PIKFYVE: variants seen among roughly 807,000 people sequenced by gnomAD.
PIKFYVE encodes the protein 1-phosphatidylinositol 3-phosphate 5-kinase.
Under a neutral mutation model 257.9 loss-of-function variants are expected in PIKFYVE, and 122 were observed. That is an observed-to-expected ratio of 0.47 (90% CI 0.41 to 0.55). The LOEUF (loss-of-function observed/expected upper bound fraction) is 0.55. Ranked by LOEUF, PIKFYVE falls within the 20% of genes least tolerant of loss-of-function variation. The pLI is 0.00. For missense variants in PIKFYVE, 2,160 were observed against 2,536.6 expected (o/e 0.85, Z 3.19); for synonymous variants, 892 against 868.9 (o/e 1.03, Z -0.47).
At chr2:208,326,725 C>G (rs1696966695) in intron 20 of PIKFYVE, among the ~76,000 whole-genome samples, 1 of 152,104 alleles carries the variant, frequency 6.6e-6, no homozygotes, top group African/African-American at 2.4e-5. Context: ...GACAACATGA[C>G]TTGGATGTGG....
In PIKFYVE at chr2:208,325,345, C is replaced by G. The variant is rs772669893; in HGVS notation, c.2534C>G (p.Ser845Cys). 1.9e-6 allele frequency: 3 copies of G among 1,614,068 alleles called. No homozygotes were observed. The highest frequency in any genetic ancestry group is 3.3e-5 in the Admixed American group (2 of 60,006). ...TGTACAATCAAGCTAAGAGGAGGCT[C>G]TGATTATGAGCTGGCTCGAGTTAAG... ...LGCTIKLRGG[S>C]DYELARVKEI... is the part of the protein sequence containing the mutation. Residue 845 changes from serine to cysteine, a missense_variant, in exon 20 of 42, where the codon TCT (serine) becomes TGT (cysteine). Coordinates refer to ENST00000264380, the MANE Select transcript of PIKFYVE (RefSeq NM_015040.4).
At chr2:208,302,474 T>C in intron 10 of PIKFYVE, 121 bp downstream of exon 10, 1 of 1,018,618 alleles carries the variant, frequency 9.8e-7, no homozygotes, top group Non-Finnish European at 1.5e-6. Context: ...TTTCCTGCTG[T>C]TTGAGGAAAG....
intron 7 of PIKFYVE, among the ~76,000 whole-genome samples, chr2:208,289,791 C>T (rs948011088): frequency 3.3e-5 from 5 of 152,048 alleles, no homozygotes; most frequent in African/African-American, 1.2e-4. Flanking sequence ...TGGTCTTGAA[C>T]TTCTGACCTC....
chr2:208,290,674 T>C (rs915772848), intron 7 of PIKFYVE, among the ~76,000 whole-genome samples: 1 of 152,162 alleles, frequency 6.6e-6, no homozygotes, highest in African/African-American at 2.4e-5. Context: ...TTATGTTTAA[T>C]TTTGTGAGGC....
At chr2:208,309,923 A>AT (rs1218094746) in intron 12 of PIKFYVE, among the ~76,000 whole-genome samples, 7 of 152,230 alleles carry the variant, frequency 4.6e-5, no homozygotes, top group African/African-American at 7.2e-5. Flanking sequence ...CAGTGAGAAT[A>AT]TTACAGAGGA....
intron 8 of PIKFYVE, 142 bp downstream of exon 8, chr2:208,298,921 C>A (rs1693332974): frequency 2.9e-6 from 3 of 1,039,070 alleles, no homozygotes; most frequent in Non-Finnish European, 2.9e-6. Flanking sequence ...TGGCTCCCTG[C>A]AACCTCTGCC....
At chr2:208,272,908 T>G (rs957046213) in intron 2 of PIKFYVE, among the ~76,000 whole-genome samples, 1 of 152,236 alleles carries the variant, frequency 6.6e-6, no homozygotes, top group Non-Finnish European at 1.5e-5. Context: ...TACATTAGTC[T>G]GGTACATTTG....
In PIKFYVE at chr2:208,320,305, G is replaced by A. The variant is rs750820945; in HGVS notation, c.2136G>A (p.Glu712=). ...PKILLLKCSI[E]YLYREETKFT... is the part of the protein sequence containing the mutation. ...TTCTTCTGTTGAAGTGTTCCATTGAGTATCTCTACAGAGAAGAAACTAAGT... is the reference window on the plus strand; with the variant it reads ...TTCTTCTGTTGAAGTGTTCCATTGAATATCTCTACAGAGAAGAAACTAAGT... Residue 712 remains glutamate, a synonymous_variant, in exon 17 of 42, where the codon GAG becomes GAA. Coordinates refer to ENST00000264380, the MANE Select transcript of PIKFYVE (RefSeq NM_015040.4). 2 of 1,612,214 alleles carry A rather than the reference G, an allele frequency of 1.2e-6. No individual in the cohort carries two copies. Among genetic ancestry groups the A allele is most frequent in the Non-Finnish European group, 1.7e-6 (2 of 1,178,784 alleles).
At chr2:208,282,115 G>T (rs1257090814) in intron 5 of PIKFYVE, among the ~76,000 whole-genome samples, 1 of 152,114 alleles carries the variant, frequency 6.6e-6, no homozygotes, top group Non-Finnish European at 1.5e-5. Flanking sequence ...TAAATACTTG[G>T]TCACTCAGAA....
At chr2:208,328,457 T>C (rs1174233631) in intron 21 of PIKFYVE, among the ~76,000 whole-genome samples, 177 bp downstream of exon 21, 1 of 152,234 alleles carries the variant, frequency 6.6e-6, no homozygotes, top group East Asian at 1.9e-4. Context: ...AATACATGTT[T>C]GTTCATGAGT....
chr2:208,324,289 G>A lies in PIKFYVE; in HGVS notation c.2331+7G>A, dbSNP rs1385166441. 1 of 1,613,032 alleles carries A rather than the reference G, an allele frequency of 6.2e-7. No homozygotes were observed. Reference sequence around the variant, plus strand: ...GGTCATTAATGTAAAGTCAGTGAGTGTTTTTAATTTTCTATTGTATTTTAA... The same window carrying A: ...GGTCATTAATGTAAAGTCAGTGAGTATTTTTAATTTTCTATTGTATTTTAA... On this transcript the variant is annotated splice_region_variant and intron_variant, in intron 18 of 41. Coordinates refer to ENST00000264380, the MANE Select transcript of PIKFYVE (RefSeq NM_015040.4).
chr2:208,338,533 G>A lies in PIKFYVE; in HGVS notation c.4637G>A (p.Arg1546Gln), dbSNP rs1039585911. ...ATAAGTGCGATGGATGCATCTCCAC[G>A]GAATATTTCTCCAGGACTTCAGAAT... ...SKISAMDASP[R>Q]NISPGLQNGE... The change falls in exon 29 of 42, where the codon CGG becomes CAG. Residue 1546 changes from arginine to glutamine, a missense_variant. Transcript: ENST00000264380. The A allele has an allele frequency of 1.9e-6, 3 of 1,613,298 alleles. No individual in the cohort carries two copies. Among genetic ancestry groups the A allele is most frequent in the East Asian group, 4.5e-5 (2 of 44,800 alleles).
chr2:208,347,992 G>A lies in PIKFYVE; in HGVS notation c.5343G>A (p.Glu1781=), dbSNP rs140774753. The change falls in exon 35 of 42, where the codon GAG becomes GAA. Residue 1781 remains glutamate, a synonymous_variant. Transcript: ENST00000264380. ...ACCAGGTTGGGCAGACGGGCAAGGA[G>A]GGGACCGAGAATCAAGGCGTTGAGC... ...AYYQVGQTGK[E]GTENQGVEPQ... 2.3e-4 allele frequency: 373 copies of A among 1,614,094 alleles called. 1 individual carries two copies. In the African/African-American group the frequency reaches 4.4e-3, roughly 19 times the overall value.
In PIKFYVE at chr2:208,322,871, G is replaced by A. The variant is rs1359098529; in HGVS notation, c.2191-1271G>A. ...CTCCCCCACCCCATGACAGGCCCCC[G>A]TGTATGATGTTCCCCTTCCTGTGTC... is the stretch of plus-strand genomic sequence containing the variant. On this transcript the variant is annotated intron_variant, in intron 17 of 41. Coordinates refer to ENST00000264380, the MANE Select transcript of PIKFYVE (RefSeq NM_015040.4). Among the ~76,000 whole-genome samples, 9 of 70,318 alleles carry A rather than the reference G, an allele frequency of 1.3e-4. No homozygotes were observed. The East Asian group carries it at 1.8e-3, about 14-fold the overall frequency. The allele number at this position is 70,318 out of a possible 152,430, so 46.1% of individuals were successfully genotyped here.
At chr2:208,350,583 T>A (rs1249205422) in intron 36 of PIKFYVE, among the ~76,000 whole-genome samples, 188 bp from the exon 37 acceptor site, 1 of 152,192 alleles carries the variant, frequency 6.6e-6, no homozygotes, top group African/African-American at 2.4e-5. Context: ...CATACGATGT[T>A]CTTTAATTCC....
In PIKFYVE at chr2:208,325,031, C is replaced by T. The variant is rs142173910; in HGVS notation, c.2452C>T (p.Pro818Ser). 5.8e-4 allele frequency: 929 copies of T among 1,614,030 alleles called. 3 individuals are homozygous for T. The African/African-American group carries it at 0.011, about 20-fold the overall frequency. Reference sequence around the variant, plus strand: ...ATTTTATATGCAGATATTTCAGTTGCCTAATGGTGAGTGATCTTTAGCATA... The same window carrying T: ...ATTTTATATGCAGATATTTCAGTTGTCTAATGGTGAGTGATCTTTAGCATA... Reference protein sequence around the residue: ...HKFYMQIFQLPNEQTKTLMFF... With the variant: ...HKFYMQIFQLSNEQTKTLMFF... Residue 818 changes from proline (P) to serine (S), a missense_variant, in exon 19 of 42, where the codon CCT (proline) becomes TCT (serine). Around this residue, in one of 12 missense-constraint regions of PIKFYVE, gnomAD observed 522 missense variants for 514.6 expected, o/e 1.01. Transcript: ENST00000264380.
chr2:208,350,561 T>C (rs968006090), intron 36 of PIKFYVE, among the ~76,000 whole-genome samples: 2 of 152,138 alleles, frequency 1.3e-5, no homozygotes, highest in African/African-American at 2.4e-5. Flanking sequence ...TTGGAAAGTA[T>C]GTAAGGATGG....
chr2:208,325,790 C>T lies in PIKFYVE; in HGVS notation c.2979C>T (p.Ser993=), dbSNP rs754429839. Residue 993 remains serine, a synonymous_variant, in exon 20 of 42, where the codon AGC becomes AGT. Coordinates refer to ENST00000264380, the MANE Select transcript of PIKFYVE (RefSeq NM_015040.4). ...ATGACCAACAAGATGCTTTAGGCAG[C>T]GAGCAGCCAGAGACTTTGCAGCAAA... ...PVDDQQDALG[S]EQPETLQQTV... The T allele has an allele frequency of 1.9e-5, 31 of 1,613,844 alleles. No homozygotes were observed. The highest frequency in any genetic ancestry group is 1.6e-4 in the Middle Eastern group (1 of 6,082).
At chr2:208,337,601 A>C (rs564896434) in intron 28 of PIKFYVE, among the ~76,000 whole-genome samples, 91 of 152,172 alleles carry the variant, frequency 6.0e-4, no homozygotes, top group African/African-American at 1.9e-3. Context: ...ATCTATCTAG[A>C]TAGATAGATA....
Sources: allele counts gnomAD v4.1 joint callset (sites outside exome capture counted in the v4.1 genomes callset), GRCh38; gene constraint gnomAD v4.1.1; regional missense constraint gnomAD v4.1.1; transcripts MANE v1.5; gene names NCBI Gene and HGNC (gene_info 2026-07-23, HGNC 2026-07-21).